Variants in KCNAB1 observed in about 807,000 individuals in gnomAD.
KCNAB1 encodes the protein voltage-gated potassium channel subunit beta-1.
In KCNAB1, 35 loss-of-function variants were observed where a neutral mutation model predicts 64.6. That is an observed-to-expected ratio of 0.54 (90% confidence interval 0.41 to 0.72). The LOEUF (loss-of-function observed/expected upper bound fraction) is 0.72, where lower values mean the gene tolerates loss of function less well. Ranked by LOEUF, KCNAB1 falls within the 30% of genes least tolerant of loss-of-function variation. The pLI, the probability that KCNAB1 is intolerant of heterozygous loss-of-function variation, is 0.00. For missense variants in KCNAB1, 401 were observed against 512.9 expected (o/e 0.78, Z 2.11); for synonymous variants, 177 against 183.8 (o/e 0.96, Z 0.30).
At chr3:156,501,046 G>A (rs1002749185) in intron 8 of KCNAB1, among the ~76,000 whole-genome samples, 5 of 152,174 alleles carry the variant, frequency 3.3e-5, no homozygotes, top group Non-Finnish European at 4.4e-5. Flanking sequence ...ACTAGAGGCC[G>A]CTGTCATTGT....
At chr3:156,214,111 C>G (rs981587009) in intron 1 of KCNAB1, among the ~76,000 whole-genome samples, 1 of 152,244 alleles carries the variant, frequency 6.6e-6, no homozygotes, top group African/African-American at 2.4e-5. Context: ...TGGGACCCTT[C>G]TAGACCTTGC....
chr3:156,424,229 C>A (rs1230178899), intron 2 of KCNAB1, among the ~76,000 whole-genome samples: 1 of 152,036 alleles, frequency 6.6e-6, no homozygotes, highest in East Asian at 1.9e-4. Flanking sequence ...GAGGGAGTGA[C>A]CAGGGTGGGT....
chr3:156,160,364 A>G (rs1289181442), intron 1 of KCNAB1, among the ~76,000 whole-genome samples: 1 of 152,208 alleles, frequency 6.6e-6, no homozygotes. Flanking sequence ...GGAGAAGATT[A>G]AATAATAGAA....
intron 1 of KCNAB1, among the ~76,000 whole-genome samples, chr3:156,370,275 G>A (rs1470406381): frequency 6.6e-6 from 1 of 152,192 alleles, no homozygotes; most frequent in East Asian, 1.9e-4. Context: ...CAGGGAAGGA[G>A]GTTTATGGGA....
At chr3:156,482,865 T>C (rs1477403696) in intron 8 of KCNAB1, among the ~76,000 whole-genome samples, 1 of 152,114 alleles carries the variant, frequency 6.6e-6, no homozygotes, top group Non-Finnish European at 1.5e-5. Context: ...AATTTTTTTA[T>C]GCAGGAAATT....
chr3:156,189,643 A>G (rs1009234627), intron 1 of KCNAB1, among the ~76,000 whole-genome samples: 2 of 152,190 alleles, frequency 1.3e-5, no homozygotes, highest in African/African-American at 4.8e-5. Flanking sequence ...CCCTAATATG[A>G]CAGTGTGGTT....
chr3:156,405,505 C>T (rs1714190642), intron 1 of KCNAB1, among the ~76,000 whole-genome samples: 1 of 152,152 alleles, frequency 6.6e-6, no homozygotes, highest in South Asian at 2.1e-4. Flanking sequence ...TTCTTTTTCT[C>T]ATCACAAAAG....
At chr3:156,175,653 G>A (rs1712319337) in intron 1 of KCNAB1, among the ~76,000 whole-genome samples, 1 of 152,292 alleles carries the variant, frequency 6.6e-6, no homozygotes, top group African/African-American at 2.4e-5. Flanking sequence ...AAATCAGGCA[G>A]GTGGATTTTA....
intron 1 of KCNAB1, among the ~76,000 whole-genome samples, chr3:156,221,796 G>T (rs1459411841): frequency 6.9e-6 from 1 of 144,954 alleles, no homozygotes; most frequent in Non-Finnish European, 1.5e-5. Context: ...CAAAAAAAAA[G>T]TTTTGTGTCC....
At chr3:156,295,090 CAAAT>C (rs1720692637) in intron 1 of KCNAB1, among the ~76,000 whole-genome samples, 2 of 151,356 alleles carry the variant, frequency 1.3e-5, no homozygotes, top group South Asian at 4.2e-4. Flanking sequence ...AGCAAACAAA[CAAAT>C]AACATAATTG....
At chr3:156,499,072 T>C (rs1214919798) in intron 8 of KCNAB1, among the ~76,000 whole-genome samples, 1 of 152,248 alleles carries the variant, frequency 6.6e-6, no homozygotes, top group African/African-American at 2.4e-5. Context: ...AGAATGATAA[T>C]GTTTGCTTAT....
chr3:156,453,655 C>T (rs1275833039), intron 3 of KCNAB1, among the ~76,000 whole-genome samples: 3 of 152,206 alleles, frequency 2.0e-5, no homozygotes, highest in Non-Finnish European at 4.4e-5. Context: ...GGAATACCTT[C>T]ATGGCATAAG....
Position 156,171,194 on chromosome 3 carries a change from TACAC to T in KCNAB1, c.275+50337_275+50340del, listed in dbSNP as rs779486541. The stretch of plus-strand genomic sequence containing the variant: ...TATAGTTAGAAACTTCACGCACACA[TACAC>T]ACACACACACACACACACACACACA... On this transcript the variant is annotated intron_variant, in intron 1 of 13. Coordinates refer to ENST00000490337, the MANE Select transcript of KCNAB1 (RefSeq NM_172160.3). 3.3e-3 allele frequency among the ~76,000 whole-genome samples: 489 copies of T among 147,700 alleles called. 4 individuals carry two copies. The highest frequency in any genetic ancestry group is 0.01 in the African/African-American group (410 of 39,644).
At chr3:156,193,222 T>C (rs1713679702) in intron 1 of KCNAB1, among the ~76,000 whole-genome samples, 1 of 152,184 alleles carries the variant, frequency 6.6e-6, no homozygotes, top group South Asian at 2.1e-4. Flanking sequence ...TCTTAACTTA[T>C]GAAGATTTGA....
intron 1 of KCNAB1, among the ~76,000 whole-genome samples, chr3:156,416,580 T>C (rs1235123406): frequency 6.6e-6 from 1 of 152,240 alleles, no homozygotes; most frequent in Non-Finnish European, 1.5e-5. Flanking sequence ...ATTTAGGGCC[T>C]ACTATCCTTT....
intron 1 of KCNAB1, among the ~76,000 whole-genome samples, chr3:156,199,289 T>C (rs1322598061): frequency 6.6e-6 from 1 of 152,178 alleles, no homozygotes; most frequent in Non-Finnish European, 1.5e-5. Flanking sequence ...CTGACAATTA[T>C]GTGTCTTGGG....
chr3:156,312,639 G>T (rs1285066867), intron 1 of KCNAB1, among the ~76,000 whole-genome samples: 1 of 125,788 alleles, frequency 7.9e-6, no homozygotes, highest in Non-Finnish European at 1.5e-5. Flanking sequence ...TTGAACCTGG[G>T]AGGTGGAGGT....
At chr3:156,188,334 G>T (rs2108357275) in intron 1 of KCNAB1, among the ~76,000 whole-genome samples, 1 of 151,672 alleles carries the variant, frequency 6.6e-6, no homozygotes, top group South Asian at 2.1e-4. Context: ...CATTTTAGTG[G>T]ACCTCCTTTT....
chr3:156,289,255 C>A (rs1196839593), intron 1 of KCNAB1, among the ~76,000 whole-genome samples: 1 of 152,250 alleles, frequency 6.6e-6, no homozygotes, highest in Non-Finnish European at 1.5e-5. Flanking sequence ...GAGCCCCCCA[C>A]ACATCTCCTC....
Sources: gnomAD v4.1 joint callset for allele counts (sites outside exome capture counted in the v4.1 genomes callset) on GRCh38, gnomAD v4.1.1 for gene constraint, MANE v1.5 for transcripts, NCBI Gene and HGNC (gene_info 2026-07-23, HGNC 2026-07-21) for gene names.